The following SGSM2 variants were observed in gnomAD, a reference collection of about 807,000 sequenced individuals.
SGSM2 encodes RUN and TBC1 domain containing 1.
A neutral mutation model predicts 126.6 loss-of-function variants in SGSM2; 89 were observed. The observed-to-expected ratio is 0.70, with a 90% CI of 0.59 to 0.84. The LOEUF is 0.84. Among genes scored for constraint, SGSM2 ranks in the 40% least tolerant of loss-of-function variants. The pLI is 0.00. For missense variants in SGSM2, 1,404 were observed against 1,416.6 expected (o/e 0.99, Z 0.14); for synonymous variants, 614 against 574.3 (o/e 1.07, Z -0.99).
At chr17:2,366,271 A>T (rs534293581) in intron 11 of SGSM2, among the ~76,000 whole-genome samples, 1 of 152,112 alleles carries the variant, frequency 6.6e-6, no homozygotes, top group Non-Finnish European at 1.5e-5. Context: ...CTCTCTGTCT[A>T]TGTGCATCTA....
At chr17:2,377,988 G>A (rs763605080) in intron 22 of SGSM2, 35 bp downstream of exon 22, 4 of 1,321,260 alleles carry the variant, frequency 3.0e-6, no homozygotes, top group Non-Finnish European at 4.4e-6. Flanking sequence ...GCTGAGGTCA[G>A]GGACAGTGAG....
chr17:2,380,145 G>A lies in SGSM2; in HGVS notation c.*625G>A. ...TGGGTGGGAGCAGCCCACTTCAGCA[G>A]CACTGCCACTGCCTTTGGCCACCTG... On this transcript the variant is annotated 3_prime_UTR_variant, in exon 24 of 24. Coordinates refer to ENST00000268989, the MANE Select transcript of SGSM2 (RefSeq NM_014853.3). The A allele has an allele frequency of 6.9e-7, 1 of 1,457,312 alleles. No homozygotes were observed. Among genetic ancestry groups the A allele is most frequent in the Non-Finnish European group, 9.0e-7 (1 of 1,105,006 alleles). The allele number at this position is 1,457,312 out of a possible 1,614,324, so 90.3% of individuals were successfully genotyped here.
In SGSM2 at chr17:2,364,115, C is replaced by T. The variant is rs1288757808; in HGVS notation, c.864C>T (p.Ser288=). 6.2e-7 allele frequency: 1 copy of T among 1,613,882 alleles called. No homozygotes were observed. Among genetic ancestry groups the T allele is most frequent in the African/African-American group, 1.3e-5 (1 of 74,890 alleles). Residue 288 remains serine, a synonymous_variant, in exon 8 of 24, where the codon AGC becomes AGT. Coordinates refer to ENST00000268989, the MANE Select transcript of SGSM2 (RefSeq NM_014853.3). ...GYLSLHQSAE[S]LTLKWTPNQL... ...TCTCCCTGCACCAGTCTGCAGAGAGCCTGACTCTGAAGTGGACCCCCAACC... is the reference window on the plus strand; with the variant it reads ...TCTCCCTGCACCAGTCTGCAGAGAGTCTGACTCTGAAGTGGACCCCCAACC...
At position 2,365,590 on chromosome 17, in the gene SGSM2, G is replaced by A. The variant is rs146022433; in HGVS notation, c.1288+249G>A. On this transcript the variant is annotated intron_variant, in intron 11 of 23. Transcript: ENST00000268989. Reference sequence around the variant, plus strand: ...GACTCTTGGCTCAGCAGACCTAGGCGTCACTACACAAGACTCTTAGTTATC... The same window carrying A: ...GACTCTTGGCTCAGCAGACCTAGGCATCACTACACAAGACTCTTAGTTATC... Among the ~76,000 whole-genome samples the A allele has an allele frequency of 1.6e-3, 248 of 152,234 alleles. 1 individual carries two copies. The highest frequency in any genetic ancestry group is 5.5e-3 in the African/African-American group (230 of 41,528).
rs912538841 is a variant in SGSM2 at position 2,380,380 on chromosome 17, G to C, written c.*860G>C. Reference sequence around the variant, plus strand: ...GGGTGACTCTGTCGGGGAAGAATCCGGTCACAGCCTCCCCTCAGAGACAGG... The same window carrying C: ...GGGTGACTCTGTCGGGGAAGAATCCCGTCACAGCCTCCCCTCAGAGACAGG... On this transcript the variant is annotated 3_prime_UTR_variant, in exon 24 of 24. Coordinates refer to ENST00000268989, the MANE Select transcript of SGSM2 (RefSeq NM_014853.3). The C allele has an allele frequency of 2.2e-6, 3 of 1,342,460 alleles. No homozygotes were observed. The highest frequency in any genetic ancestry group is 3.1e-6 in the Non-Finnish European group (3 of 971,588). The allele number at this position is 1,342,460 out of a possible 1,614,324, so 83.2% of individuals were successfully genotyped here.
At chr17:2,349,722 A>ACAT (rs2064764836) in intron 2 of SGSM2, among the ~76,000 whole-genome samples, 1 of 152,100 alleles carries the variant, frequency 6.6e-6, no homozygotes, top group African/African-American at 2.4e-5. Flanking sequence ...GGTAATGAGT[A>ACAT]CATGGGCAGC....
rs1487524275 is a variant in SGSM2 at position 2,373,031 on chromosome 17, T to C, written c.1867T>C (p.Phe623Leu). Residue 623 changes from phenylalanine to leucine, a missense_variant, in exon 16 of 24, where the codon TTT becomes CTT. Coordinates refer to ENST00000268989, the MANE Select transcript of SGSM2 (RefSeq NM_014853.3). ...EHEIRKDVWP[F>L]LLGHYKFGMS... is the part of the protein sequence containing the mutation. ...CGAGATCCGCAAGGACGTCTGGCCC[T>C]TTCTGCTTGGCCACTACAAGTTCGG... The C allele has an allele frequency of 6.2e-7, 1 of 1,607,084 alleles. No homozygotes were observed. Among genetic ancestry groups the C allele is most frequent in the Non-Finnish European group, 8.5e-7 (1 of 1,177,232 alleles).
Position 2,373,214 on chromosome 17 carries a change from C to G in SGSM2, c.1918-117C>G, listed in dbSNP as rs866070868. 10 of 1,537,658 alleles carry G rather than the reference C, an allele frequency of 6.5e-6. No individual in the cohort carries two copies. The Admixed American group carries it at 1.3e-4, about 19-fold the overall frequency. On this transcript the variant is annotated intron_variant, in intron 16 of 23. Coordinates refer to ENST00000268989, the MANE Select transcript of SGSM2 (RefSeq NM_014853.3). The stretch of plus-strand genomic sequence containing the variant: ...TGGCAGGGCAGCTCCACCGTCCTTA[C>G]CCTGAGGCCCGTCTTGAGTCTGAGA...
Position 2,380,113 on chromosome 17 carries a change from T to C in SGSM2, c.*593T>C. 7.2e-7 allele frequency: 1 copy of C among 1,397,930 alleles called. No individual in the cohort carries two copies. The highest frequency in any genetic ancestry group is 1.6e-5 in the South Asian group (1 of 61,836). 86.6% of individuals were successfully genotyped at this position (1,397,930 alleles called of 1,614,324 possible). On this transcript the variant is annotated 3_prime_UTR_variant, in exon 24 of 24. Coordinates refer to ENST00000268989, the MANE Select transcript of SGSM2 (RefSeq NM_014853.3). ...GAGATTCTGGGGCAGTCGGAAGATG[T>C]GGGCCCTGGGTGGGAGCAGCCCACT...
At position 2,380,814 on chromosome 17, in the gene SGSM2, A is replaced by ACCCAGCACAGCCTG. The variant is rs1233152132; in HGVS notation, c.*1301_*1314dup. On this transcript the variant is annotated 3_prime_UTR_variant, in exon 24 of 24. Coordinates refer to ENST00000268989, the MANE Select transcript of SGSM2 (RefSeq NM_014853.3). The stretch of plus-strand genomic sequence containing the variant: ...ACAAAGGGCCCCGCAGCCCTTCTGC[A>ACCCAGCACAGCCTG]CCCAGCACAGCCTGCCCAGCCCAGC... 5.4e-6 allele frequency: 1 copy of ACCCAGCACAGCCTG among 184,152 alleles called. No homozygotes were observed. Among genetic ancestry groups the ACCCAGCACAGCCTG allele is most frequent in the African/African-American group, 2.4e-5 (1 of 41,934 alleles). The allele number at this position is 184,152 out of a possible 1,614,324, so 11.4% of individuals were successfully genotyped here.
At chr17:2,360,493 C>T (rs1439575824) in intron 2 of SGSM2, among the ~76,000 whole-genome samples, 1 of 152,236 alleles carries the variant, frequency 6.6e-6, no homozygotes, top group Non-Finnish European at 1.5e-5. Context: ...TAGAGGCTAG[C>T]TGTAGAACTG....
intron 2 of SGSM2, among the ~76,000 whole-genome samples, chr17:2,348,930 C>CT (rs1303263466): frequency 6.6e-6 from 1 of 151,864 alleles, no homozygotes; most frequent in African/African-American, 2.4e-5. Flanking sequence ...CACTCGGCTA[C>CT]TTTTTTGTAT....
chr17:2,375,357 C>T, intron 17 of SGSM2, 135 bp from the exon 18 acceptor site: 2 of 1,170,820 alleles, frequency 1.7e-6, no homozygotes, highest in African/African-American at 1.6e-5. Flanking sequence ...TGCCCCGTGG[C>T]CACAGTGTTG....
At position 2,372,534 on chromosome 17, in the gene SGSM2, GGGC is replaced by G; in HGVS notation, c.1788+47_1788+49del. On this transcript the variant is annotated intron_variant, in intron 15 of 23. Transcript: ENST00000268989. The surrounding 1 kb of genome is among the most constrained non-coding windows in gnomAD (Gnocchi z 6.0). ...GGGCCACAGGTCGAGGGGCTGGGGC[GGGC>G]AGGAGTGAGGGCTTCAGGGTAAAAT... 2 of 1,583,220 alleles carry G rather than the reference GGGC, an allele frequency of 1.3e-6. No homozygotes were observed. Among genetic ancestry groups the G allele is most frequent in the Non-Finnish European group, 1.7e-6 (2 of 1,169,478 alleles).
At chr17:2,359,591 G>A (rs184281181) in intron 2 of SGSM2, among the ~76,000 whole-genome samples, 99 of 152,260 alleles carry the variant, frequency 6.5e-4, no homozygotes, top group African/African-American at 2.2e-3. Flanking sequence ...TAATTGCTTA[G>A]GAATGCCTCC....
chr17:2,358,880 T>TTTG lies in SGSM2; in HGVS notation c.134-2755_134-2754insGTT, dbSNP rs967263553. The stretch of plus-strand genomic sequence containing the variant: ...TTTTTTGTTGTTGTTGTTGTTTTTT[T>TTTG]TTTTTTTTTTTTTTGAGACAAAGTC... On this transcript the variant is annotated intron_variant, in intron 2 of 23. Coordinates refer to ENST00000268989, the MANE Select transcript of SGSM2 (RefSeq NM_014853.3). Among the ~76,000 whole-genome samples the TTTG allele has an allele frequency of 1.9e-3, 281 of 148,992 alleles. 1 individual carries two copies. The highest frequency in any genetic ancestry group is 6.7e-3 in the African/African-American group (268 of 40,100).
chr17:2,370,489 A>G lies in SGSM2; in HGVS notation c.1424-773A>G, dbSNP rs563081154. Among the ~76,000 whole-genome samples, 57 of 131,790 alleles carry G rather than the reference A, an allele frequency of 4.3e-4. No homozygotes were observed. The South Asian group carries it at 0.011, about 25-fold the overall frequency. 86.5% of individuals were successfully genotyped at this position (131,790 alleles called of 152,430 possible). On this transcript the variant is annotated intron_variant, in intron 12 of 23. Transcript: ENST00000268989. Reference sequence around the variant, plus strand: ...CCTGTTCTTCTCTGTCACATTGGATAGTGGGCCTCTGTGCCCAGCCACCAC... The same window carrying G: ...CCTGTTCTTCTCTGTCACATTGGATGGTGGGCCTCTGTGCCCAGCCACCAC...
In SGSM2 at chr17:2,371,343, C is replaced by T. The variant is rs778276743; in HGVS notation, c.1505C>T (p.Ser502Phe). 1 of 1,612,292 alleles carries T rather than the reference C, an allele frequency of 6.2e-7. No individual in the cohort carries two copies. The highest frequency in any genetic ancestry group is 8.5e-7 in the Non-Finnish European group (1 of 1,179,752). ...CTGGAGCCCCTGTGCAGTCAGGGCT[C>T]CTCCTGCCTCTCCTGCTCCTCCAGC... ...WHLEPLCSQG[S>F]SCLSCSSSSS... is the part of the protein sequence containing the mutation. The change falls in exon 13 of 24, where the codon TCC becomes TTC. Residue 502 changes from serine (S) to phenylalanine (F), a missense_variant. Physicochemically the swap from Ser to Phe is radical, Grantham distance 155 (BLOSUM62 -2). Transcript: ENST00000268989.
chr17:2,368,906 A>G (rs1348693277), intron 12 of SGSM2, among the ~76,000 whole-genome samples: 1 of 152,190 alleles, frequency 6.6e-6, no homozygotes, highest in Non-Finnish European at 1.5e-5. Context: ...GGGTCCTAGC[A>G]GAGCCCTTGG....
Sources: gnomAD v4.1 joint callset for allele counts (sites outside exome capture counted in the v4.1 genomes callset) on GRCh38, gnomAD v4.1.1 for gene constraint, Gnocchi (gnomAD v3.1) non-coding constraint, MANE v1.5 for transcripts, NCBI Gene and HGNC (gene_info 2026-07-23, HGNC 2026-07-21) for gene names.